CCDC3: variants seen among roughly 807,000 people sequenced by gnomAD.
CCDC3 encodes coiled-coil domain-containing protein 3.
A neutral mutation model predicts 21.4 loss-of-function variants in CCDC3; 24 were observed. The ratio of observed to expected loss-of-function variants is 1.12; its 90% CI spans 0.81 to 1.58. The LOEUF (loss-of-function observed/expected upper bound fraction) is 1.58, where lower values mean the gene tolerates loss of function less well. Ranked by LOEUF, CCDC3 falls within the 40% of genes most tolerant of loss-of-function variation. The pLI is 0.00. For synonymous variants in CCDC3, 186 were observed against 166.0 expected (o/e 1.12, Z -0.93); for missense variants, 425 against 360.9 (o/e 1.18, Z -1.44).
chr10:12,924,539 C>T (rs12356327), intron 2 of CCDC3: 17,274 of 152,234 alleles, frequency 0.11, 1,221 homozygotes, highest in Middle Eastern at 0.17. Context: ...AGTGGAACAG[C>T]CAGGTGTGAT....
chr10:12,926,968 A>G (rs1017156861), intron 2 of CCDC3, among the ~76,000 whole-genome samples: 3 of 152,186 alleles, frequency 2.0e-5, no homozygotes, highest in Admixed American at 2.0e-4. Flanking sequence ...TATAGTTATT[A>G]CTCCAAAACA....
At position 13,013,736 on chromosome 10, in the gene CCDC3, A is replaced by G. The variant is rs1001350573; in HGVS notation, c.-1-15224T>C. ...AAAATGTGAATGTAAACATGAGGAA[A>G]TATCAGATAAACACAAATTGAGGAA... On this transcript the variant is annotated intron_variant, in intron 5 of 6. Coordinates refer to the CCDC3 transcript ENST00000378839. Among the ~76,000 whole-genome samples, 4 of 152,218 alleles carry G rather than the reference A, an allele frequency of 2.6e-5. No individual in the cohort carries two copies. In the South Asian group the frequency reaches 8.3e-4, roughly 32 times the overall value.
At chr10:12,931,737 T>C (rs1433894543) in intron 2 of CCDC3, among the ~76,000 whole-genome samples, 1 of 152,194 alleles carries the variant, frequency 6.6e-6, no homozygotes, top group Non-Finnish European at 1.5e-5. Flanking sequence ...ATTACTGTTT[T>C]CTATAACAGA....
intron 2 of CCDC3, among the ~76,000 whole-genome samples, chr10:12,989,533 T>C (rs1342565993): frequency 1.3e-5 from 2 of 152,220 alleles, no homozygotes; most frequent in Non-Finnish European, 2.9e-5. Flanking sequence ...GCGACTCTCA[T>C]GCCTCAGCCT....
At chr10:12,970,272 C>T (rs533202392) in intron 2 of CCDC3, among the ~76,000 whole-genome samples, 1 of 152,230 alleles carries the variant, frequency 6.6e-6, no homozygotes, top group East Asian at 1.9e-4. Context: ...CAACTACAGT[C>T]AATAACACTA....
intron 5 of CCDC3, among the ~76,000 whole-genome samples, chr10:13,026,799 C>T (rs1217839659): frequency 1.3e-5 from 2 of 152,186 alleles, no homozygotes; most frequent in Non-Finnish European, 2.9e-5. Flanking sequence ...CTTTCCCACT[C>T]CAGCATGAAT....
At chr10:13,095,166 G>C (rs1349760449) in intron 3 of CCDC3, among the ~76,000 whole-genome samples, 3 of 152,110 alleles carry the variant, frequency 2.0e-5, no homozygotes, top group Non-Finnish European at 2.9e-5. Context: ...TGTACACCTA[G>C]AAGTGGAATT....
At chr10:13,023,089 T>A in intron 5 of CCDC3, among the ~76,000 whole-genome samples, 1 of 7,730 alleles carries the variant, frequency 1.3e-4, no homozygotes, top group African/African-American at 1.9e-4. Flanking sequence ...TTTGCACACT[T>A]TTTTTTTGCA....
At chr10:12,965,943 T>C (rs1193950696) in intron 2 of CCDC3, among the ~76,000 whole-genome samples, 1 of 152,202 alleles carries the variant, frequency 6.6e-6, no homozygotes, top group Non-Finnish European at 1.5e-5. Context: ...CTTGTGAAAG[T>C]GAATAAGGAG....
chr10:12,950,190 A>G (rs990153955), intron 2 of CCDC3, among the ~76,000 whole-genome samples: 2 of 152,052 alleles, frequency 1.3e-5, no homozygotes, highest in African/African-American at 4.8e-5. Context: ...CCCATCTCCT[A>G]TAGAAGCTGT....
intron 5 of CCDC3, among the ~76,000 whole-genome samples, chr10:13,009,876 C>T (rs529795662): frequency 6.6e-6 from 1 of 152,216 alleles, no homozygotes; most frequent in African/African-American, 2.4e-5. Context: ...AATATCAAGC[C>T]ATAGACTGGA....
At chr10:13,060,991 T>C (rs1414208389) in intron 4 of CCDC3, among the ~76,000 whole-genome samples, 1 of 152,186 alleles carries the variant, frequency 6.6e-6, no homozygotes, top group Non-Finnish European at 1.5e-5. Flanking sequence ...TGGCCCAAGA[T>C]TAGATTGGGA....
intron 3 of CCDC3, among the ~76,000 whole-genome samples, chr10:13,088,045 C>T (rs1034078621): frequency 6.6e-6 from 1 of 152,206 alleles, no homozygotes; most frequent in African/African-American, 2.4e-5. Context: ...CAGCTTCACA[C>T]CAAAGTGCAT....
chr10:12,958,204 A>C (rs1323671163), intron 2 of CCDC3, among the ~76,000 whole-genome samples: 1 of 152,082 alleles, frequency 6.6e-6, no homozygotes. Context: ...ATACAAAAGT[A>C]AACAAACAAA....
At chr10:12,991,822 G>C (rs1835686952) in intron 2 of CCDC3, among the ~76,000 whole-genome samples, 1 of 152,088 alleles carries the variant, frequency 6.6e-6, no homozygotes, top group Non-Finnish European at 1.5e-5. Context: ...GCAATGCGGG[G>C]ATCTGACCCA....
At chr10:13,063,228 T>C (rs1836782174) in intron 4 of CCDC3, among the ~76,000 whole-genome samples, 1 of 56,622 alleles carries the variant, frequency 1.8e-5, no homozygotes, top group Admixed American at 2.2e-4. Flanking sequence ...TCTATTGCAG[T>C]TCCCCTGTCT....
chr10:13,074,866 T>C (rs1836942235), intron 3 of CCDC3, among the ~76,000 whole-genome samples: 1 of 152,198 alleles, frequency 6.6e-6, no homozygotes. Context: ...TTGATCCACA[T>C]ATCACATTAA....
At chr10:13,036,780 T>C (rs926410821) in intron 5 of CCDC3, among the ~76,000 whole-genome samples, 21 of 150,576 alleles carry the variant, frequency 1.4e-4, no homozygotes, top group Non-Finnish European at 3.0e-4. Flanking sequence ...CCACTGTGCC[T>C]GGCTCTTATG....
intron 2 of CCDC3, among the ~76,000 whole-genome samples, chr10:12,992,895 G>C (rs76599425): frequency 0.029 from 4,449 of 152,308 alleles, 224 homozygotes; most frequent in African/African-American, 0.1. Flanking sequence ...GGGTGGATGG[G>C]TGTCAGAGGT....
Sources: gnomAD v4.1 joint callset for allele counts (sites outside exome capture counted in the v4.1 genomes callset) on GRCh38, gnomAD v4.1.1 for gene constraint, MANE v1.5 for transcripts, NCBI Gene and HGNC (gene_info 2026-07-23, HGNC 2026-07-21) for gene names.